ABCA4: variants seen among roughly 807,000 people sequenced by gnomAD.
The protein encoded by ABCA4 is retinal-specific phospholipid-transporting ATPase ABCA4.
ABCA4 carries 196 observed loss-of-function variants against 263.7 expected under a neutral mutation model. The ratio of observed to expected loss-of-function variants is 0.74; its 90% CI spans 0.66 to 0.84. ABCA4 has a LOEUF of 0.84. Among genes scored for constraint, ABCA4 ranks in the 40% least tolerant of loss-of-function variants. ABCA4 has a pLI of 0.00. For missense variants in ABCA4, 2,792 were observed against 2,855.1 expected (o/e 0.98, Z 0.50); for synonymous variants, 1,133 against 1,094.2 (o/e 1.04, Z -0.70).
At chr1:94,095,994 C>T (rs1455671615) in intron 6 of ABCA4, among the ~76,000 whole-genome samples, 1 of 152,098 alleles carries the variant, frequency 6.6e-6, no homozygotes, top group Non-Finnish European at 1.5e-5. Context: ...TGTCGCTCAC[C>T]AGCTTTGTTA....
At chr1:94,100,119 C>T (rs537460648) in intron 5 of ABCA4, among the ~76,000 whole-genome samples, 24 of 152,166 alleles carry the variant, frequency 1.6e-4, no homozygotes, top group East Asian at 5.8e-4. Flanking sequence ...TGAGCTCTGC[C>T]ACCTCCTACA....
intron 22 of ABCA4, among the ~76,000 whole-genome samples, chr1:94,042,180 C>G (rs1660509335): frequency 6.6e-6 from 1 of 151,072 alleles, no homozygotes; most frequent in Non-Finnish European, 1.5e-5. Context: ...CAGAGAAAGG[C>G]ACGGGGCAAC....
chr1:94,031,458 A>G (rs1481039607), intron 27 of ABCA4, among the ~76,000 whole-genome samples: 2 of 152,252 alleles, frequency 1.3e-5, no homozygotes, highest in African/African-American at 4.8e-5. Context: ...AAGAAAAAAG[A>G]GGGCAATGAT....
At chr1:94,029,398 C>A (rs1289272965) in intron 30 of ABCA4, 47 bp downstream of exon 30, 5 of 1,487,426 alleles carry the variant, frequency 3.4e-6, no homozygotes, top group Non-Finnish European at 4.5e-6. Context: ...CCCCTAGTCC[C>A]TCTGTGGCAG....
rs761198403 is a variant in ABCA4, at chr1:94,047,133, C to T, written c.2744-40G>A. 3.1e-6 allele frequency: 5 copies of T among 1,607,800 alleles called. No individual in the cohort carries two copies. In the South Asian group the frequency reaches 3.3e-5, roughly 11 times the overall value. ...AATGAACATGATGTAAACATAATGC[C>T]TAATTACATGGCCCCAGGGCTCTGT... is the stretch of plus-strand genomic sequence containing the variant. On this transcript the variant is annotated intron_variant, in intron 18 of 49. Coordinates refer to ENST00000370225, the MANE Select transcript of ABCA4 (RefSeq NM_000350.3).
intron 16 of ABCA4, 99 bp downstream of exon 16, chr1:94,055,012 C>G: frequency 1.6e-6 from 2 of 1,253,192 alleles, no homozygotes; most frequent in Non-Finnish European, 2.3e-6. Context: ...CTGGTTCTGA[C>G]AAAGAGCTTG....
rs567009209 is a variant in ABCA4 at position 94,067,475 on chromosome 1, A to G, written c.1555-4158T>C. Among the ~76,000 whole-genome samples the G allele has an allele frequency of 2.0e-5, 3 of 152,006 alleles. No homozygotes were observed. The South Asian group carries it at 6.3e-4, about 32-fold the overall frequency. ...ATGATACCTTGATAATCTCTGGGGGAAAAAAAACTTAAAAGATTCTCAAAC... is the reference window on the plus strand; with the variant it reads ...ATGATACCTTGATAATCTCTGGGGGGAAAAAAACTTAAAAGATTCTCAAAC... On this transcript the variant is annotated intron_variant, in intron 11 of 49. Coordinates refer to ENST00000370225, the MANE Select transcript of ABCA4 (RefSeq NM_000350.3).
At chr1:94,010,718 G>A (rs768698765) in intron 40 of ABCA4, 82 bp downstream of exon 40, 4 of 1,599,442 alleles carry the variant, frequency 2.5e-6, no homozygotes, top group Non-Finnish European at 3.4e-6. Flanking sequence ...GGCTCCTGAG[G>A]AAAGAAATGA....
In ABCA4 at chr1:93,992,983, G is replaced by C; in HGVS notation, c.*254C>G. ...CTAGTGGGATGGCCCGGGGTTTCTA[G>C]TTCTGGGGTCTGGAGAAGGATTTTG... On this transcript the variant is annotated 3_prime_UTR_variant, in exon 50 of 50. Transcript: ENST00000370225. 1.8e-6 allele frequency: 1 copy of C among 560,030 alleles called. No homozygotes were observed. Among genetic ancestry groups the C allele is most frequent in the Non-Finnish European group, 3.2e-6 (1 of 313,158 alleles). 34.7% of individuals were successfully genotyped at this position (560,030 alleles called of 1,614,324 possible).
At chr1:94,062,345 TACA>T (rs1239128684) in intron 13 of ABCA4, among the ~76,000 whole-genome samples, 1 of 152,162 alleles carries the variant, frequency 6.6e-6, no homozygotes, top group African/African-American at 2.4e-5. Context: ...CTTTTCCAGC[TACA>T]ACATCAACTC....
At chr1:94,036,896 C>T (rs1337951005) in intron 25 of ABCA4, 108 bp from the exon 26 acceptor site, 5 of 1,097,522 alleles carry the variant, frequency 4.6e-6, no homozygotes, top group Non-Finnish European at 7.0e-6. Context: ...GGAAGAAAAT[C>T]CATTACGACT....
chr1:94,114,546 G>T (rs1662698973), intron 1 of ABCA4, among the ~76,000 whole-genome samples: 1 of 152,190 alleles, frequency 6.6e-6, no homozygotes, highest in Non-Finnish European at 1.5e-5. Context: ...GAGTGCAGTG[G>T]CACGATCTTG....
intron 40 of ABCA4, among the ~76,000 whole-genome samples, chr1:94,009,969 C>A (rs946032763): frequency 6.6e-6 from 1 of 152,240 alleles, no homozygotes; most frequent in Non-Finnish European, 1.5e-5. Flanking sequence ...CACCTGTGAT[C>A]TCATTCACCT....
At chr1:94,102,867 GT>G (rs1557805315) in intron 5 of ABCA4, 147 bp downstream of exon 5, 9 of 1,130,198 alleles carry the variant, frequency 8.0e-6, no homozygotes, top group South Asian at 6.6e-5. Context: ...TGATCCCCCG[GT>G]TTTTTTCTAA....
At chr1:94,041,087 C>T (rs1660472330) in intron 23 of ABCA4, 122 bp downstream of exon 23, 1 of 1,052,296 alleles carries the variant, frequency 9.5e-7, no homozygotes. Context: ...CAAATGGTCC[C>T]AGAACAAAGA....
intron 22 of ABCA4, among the ~76,000 whole-genome samples, chr1:94,042,136 A>G (rs1179469875): frequency 6.6e-6 from 1 of 151,988 alleles, no homozygotes; most frequent in Non-Finnish European, 1.5e-5. Context: ...GAAAGAAAGA[A>G]AATAGCAATG....
intron 49 of ABCA4, 53 bp downstream of exon 49, chr1:93,996,056 C>G (rs1658989788): frequency 6.5e-7 from 1 of 1,548,048 alleles, no homozygotes; most frequent in South Asian, 1.1e-5. Flanking sequence ...ACCAGCTGGG[C>G]TCTGAGCCAA....
At chr1:94,104,650 C>T (rs1570427715) in intron 4 of ABCA4, among the ~76,000 whole-genome samples, 1 of 152,236 alleles carries the variant, frequency 6.6e-6, no homozygotes, top group African/African-American at 2.4e-5. Flanking sequence ...ACAGTGGCTT[C>T]TCTCACAGTA....
chr1:94,051,745 A>G, intron 16 of ABCA4, 47 bp from the exon 17 acceptor site: 3 of 1,412,078 alleles, frequency 2.1e-6, no homozygotes, highest in East Asian at 2.3e-5. Context: ...GAGTCTCCCT[A>G]TCCTACCTTA....
Sources: gnomAD v4.1 joint callset for allele counts (sites outside exome capture counted in the v4.1 genomes callset) on GRCh38, gnomAD v4.1.1 for gene constraint, MANE v1.5 for transcripts, NCBI Gene and HGNC (gene_info 2026-07-23, HGNC 2026-07-21) for gene names.